The following FHIT variants were observed in gnomAD, a reference collection of about 807,000 sequenced individuals.
FHIT encodes fragile histidine triad diadenosine triphosphatase, also known as bis(5'-adenosyl)-triphosphatase.
FHIT carries 19 observed loss-of-function variants against 17.9 expected under a neutral mutation model. The observed-to-expected ratio is 1.06, with a 90% CI of 0.74 to 1.56. The LOEUF (loss-of-function observed/expected upper bound fraction) is 1.56, where lower values mean the gene tolerates loss of function less well. FHIT is among the 40% of genes most tolerant of loss of function. The pLI is 0.00. For missense variants in FHIT, 248 were observed against 189.2 expected (o/e 1.31, Z -1.82); for synonymous variants, 81 against 69.7 (o/e 1.16, Z -0.81).
intron 5 of FHIT, among the ~76,000 whole-genome samples, chr3:60,181,374 G>A (rs928245334): frequency 6.6e-6 from 1 of 152,074 alleles, no homozygotes. Flanking sequence ...TCGAACTCCT[G>A]ACCTCAAGTG....
chr3:60,146,301 A>T (rs935591014), intron 5 of FHIT, among the ~76,000 whole-genome samples: 2 of 151,750 alleles, frequency 1.3e-5, no homozygotes, highest in African/African-American at 2.4e-5. Context: ...GCCAATTTCA[A>T]GCTACCAACA....
At chr3:60,185,240 T>A (rs961161278) in intron 5 of FHIT, among the ~76,000 whole-genome samples, 4 of 152,060 alleles carry the variant, frequency 2.6e-5, no homozygotes, top group Admixed American at 2.6e-4. Flanking sequence ...AATTGAATAG[T>A]TTCATGGTGT....
rs1272864632 is a variant in FHIT at position 60,955,633 on chromosome 3, T to TATACACACAC, written c.-111+86413_-111+86414insGTGTGTGTAT. Among the ~76,000 whole-genome samples the TATACACACAC allele has an allele frequency of 3.5e-3, 137 of 39,470 alleles. 1 individual carries two copies. The highest frequency in any genetic ancestry group is 0.011 in the African/African-American group (131 of 12,402). The allele number at this position is 39,470 out of a possible 152,430, so 25.9% of individuals were successfully genotyped here. ...ATATATATATATATATATATATATA[T>TATACACACAC]ACACACACACACATATATACATGTG... On this transcript the variant is annotated intron_variant, in intron 3 of 9. Transcript: ENST00000492590.
intron 8 of FHIT, among the ~76,000 whole-genome samples, chr3:59,881,518 C>A (rs1158069986): frequency 6.6e-6 from 1 of 152,040 alleles, no homozygotes. Flanking sequence ...TCTAATAGAA[C>A]CCTGAGGAAA....
At chr3:59,960,988 C>G (rs995792164) in intron 7 of FHIT, among the ~76,000 whole-genome samples, 4 of 152,198 alleles carry the variant, frequency 2.6e-5, no homozygotes, top group African/African-American at 4.8e-5. Flanking sequence ...CTTTGAGACT[C>G]TAAGACGATT....
intron 8 of FHIT, among the ~76,000 whole-genome samples, chr3:59,882,827 G>C (rs1703465839): frequency 6.6e-6 from 1 of 152,200 alleles, no homozygotes; most frequent in South Asian, 2.1e-4. Flanking sequence ...AACATGGCAT[G>C]TTCCTTAGTG....
At chr3:60,084,008 A>G (rs919784415) in intron 5 of FHIT, among the ~76,000 whole-genome samples, 22 of 150,538 alleles carry the variant, frequency 1.5e-4, no homozygotes, top group Admixed American at 8.6e-4. Context: ...TATTGACAAG[A>G]AAGATGACCA....
At chr3:60,079,461 G>A (rs1306817491) in intron 5 of FHIT, among the ~76,000 whole-genome samples, 1 of 151,962 alleles carries the variant, frequency 6.6e-6, no homozygotes, top group Non-Finnish European at 1.5e-5. Flanking sequence ...GTTAAAAATA[G>A]TTTTTCCTTA....
At chr3:61,180,422 T>C (rs543511210) in intron 2 of FHIT, among the ~76,000 whole-genome samples, 1 of 152,330 alleles carries the variant, frequency 6.6e-6, no homozygotes, top group East Asian at 1.9e-4. Context: ...CAGAAGATAA[T>C]ATGCTAAGCA....
chr3:59,861,582 T>A (rs1041321977), intron 8 of FHIT, among the ~76,000 whole-genome samples: 1 of 152,184 alleles, frequency 6.6e-6, no homozygotes, highest in Non-Finnish European at 1.5e-5. Context: ...CCCTCCTTGA[T>A]AATGCACAGA....
chr3:60,383,453 G>A (rs1205520100), intron 5 of FHIT, among the ~76,000 whole-genome samples: 1 of 151,924 alleles, frequency 6.6e-6, no homozygotes. Context: ...CTCATAATTG[G>A]AGGTGAGAGT....
At chr3:60,065,622 A>C (rs936720316) in intron 5 of FHIT, among the ~76,000 whole-genome samples, 8 of 152,176 alleles carry the variant, frequency 5.3e-5, no homozygotes, top group Admixed American at 2.0e-4. Context: ...AGTGAGACCT[A>C]ATCAGTTAGA....
Position 60,763,416 on chromosome 3 carries a change from T to G in FHIT, c.-18+58503A>C, listed in dbSNP as rs946252520. Among the ~76,000 whole-genome samples, 10 of 152,346 alleles carry G rather than the reference T, an allele frequency of 6.6e-5. 1 individual carries two copies. Among genetic ancestry groups the G allele is most frequent in the African/African-American group, 2.4e-4 (10 of 41,588 alleles). On this transcript the variant is annotated intron_variant, in intron 4 of 9. Transcript: ENST00000492590. ...CTCCATCATTCCATAGCTACTGTCA[T>G]CTACCAATACCTAGCATTTATTGAG...
At chr3:61,075,304 G>T (rs192638969) in intron 2 of FHIT, among the ~76,000 whole-genome samples, 1 of 151,840 alleles carries the variant, frequency 6.6e-6, no homozygotes, top group South Asian at 2.1e-4. Context: ...GTGGTGGCAG[G>T]GGGGAGTACT....
intron 2 of FHIT, among the ~76,000 whole-genome samples, chr3:61,185,721 T>C (rs9820332): frequency 2.6e-5 from 4 of 151,948 alleles, no homozygotes; most frequent in African/African-American, 2.4e-5. Context: ...TTTCTTAAAA[T>C]ACATGCCCAC....
chr3:60,548,980 CTTTAAA>C (rs1434051557), intron 4 of FHIT, among the ~76,000 whole-genome samples: 1 of 152,154 alleles, frequency 6.6e-6, no homozygotes, highest in African/African-American at 2.4e-5. Flanking sequence ...TCCTTAGCTT[CTTTAAA>C]TTTGAGAAAT....
At chr3:60,493,098 G>C (rs190371626) in intron 5 of FHIT, among the ~76,000 whole-genome samples, 5 of 152,242 alleles carry the variant, frequency 3.3e-5, no homozygotes, top group Middle Eastern at 3.4e-3. Flanking sequence ...CTTACTTGTC[G>C]AGAAAAGGGC....
chr3:59,823,934 T>C (rs767067215), intron 8 of FHIT, among the ~76,000 whole-genome samples: 2 of 152,182 alleles, frequency 1.3e-5, no homozygotes, highest in African/African-American at 2.4e-5. Context: ...GATATGATCA[T>C]ATACCTAGGA....
intron 5 of FHIT, among the ~76,000 whole-genome samples, chr3:60,398,079 CA>C (rs1403467289): frequency 6.6e-6 from 1 of 152,072 alleles, no homozygotes; most frequent in Non-Finnish European, 1.5e-5. Context: ...ACTAACTCTC[CA>C]GTGTCCACGA....
Sources: gnomAD v4.1 joint callset for allele counts (sites outside exome capture counted in the v4.1 genomes callset) on GRCh38, gnomAD v4.1.1 for gene constraint, MANE v1.5 for transcripts, NCBI Gene and HGNC (gene_info 2026-07-23, HGNC 2026-07-21) for gene names.